The following RAPGEF5 variants were observed in gnomAD, a reference collection of about 807,000 sequenced individuals.
RAPGEF5 encodes M-Ras-regulated GEF.
In RAPGEF5, 65 loss-of-function variants were observed where a neutral mutation model predicts 125.2. That is an observed-to-expected ratio of 0.52 (90% confidence interval 0.43 to 0.64). The LOEUF is 0.64. Among genes scored for constraint, RAPGEF5 ranks in the 30% least tolerant of loss-of-function variants. The probability of loss-of-function intolerance (pLI) is 0.00; values close to 1 mark genes in which losing one functional copy is unlikely to be tolerated. For synonymous variants in RAPGEF5, 391 were observed against 385.9 expected (o/e 1.01, Z -0.16); for missense variants, 958 against 1,048.1 (o/e 0.91, Z 1.19).
At chr7:22,202,995 G>T in intron 9 of RAPGEF5, 1 of 258,286 alleles carries the variant, frequency 3.9e-6, no homozygotes, top group Admixed American at 4.8e-5. Context: ...TTACAAAATT[G>T]AATTTGTATC....
intron 6 of RAPGEF5, among the ~76,000 whole-genome samples, chr7:22,277,946 C>G (rs1411504016): frequency 3.3e-5 from 5 of 152,136 alleles, no homozygotes; most frequent in Non-Finnish European, 7.4e-5. Context: ...TGTGCAGGTA[C>G]CAAGTGGGGT....
chr7:22,194,927 C>T (rs894290272), intron 9 of RAPGEF5, among the ~76,000 whole-genome samples: 1 of 152,312 alleles, frequency 6.6e-6, no homozygotes, highest in African/African-American at 2.4e-5. Flanking sequence ...TCCTGATGTG[C>T]AATACCCAGT....
chr7:22,246,258 C>G (rs1286466835), intron 7 of RAPGEF5, among the ~76,000 whole-genome samples: 3 of 151,998 alleles, frequency 2.0e-5, no homozygotes, highest in African/African-American at 7.2e-5. Context: ...AAAAAGAGCC[C>G]AAATAGCCAA....
chr7:22,275,217 T>C (rs918638959), intron 6 of RAPGEF5, among the ~76,000 whole-genome samples: 11 of 152,232 alleles, frequency 7.2e-5, no homozygotes, highest in African/African-American at 2.4e-4. Flanking sequence ...AATAGCACTC[T>C]ATACTTGTTT....
At chr7:22,351,715 A>T (rs1490932647) in intron 1 of RAPGEF5, among the ~76,000 whole-genome samples, 1 of 152,240 alleles carries the variant, frequency 6.6e-6, no homozygotes, top group Non-Finnish European at 1.5e-5. Flanking sequence ...CAAAGAATAA[A>T]TGACATGCTT....
intron 6 of RAPGEF5, among the ~76,000 whole-genome samples, chr7:22,268,208 C>T (rs575577177): frequency 2.6e-5 from 4 of 152,190 alleles, no homozygotes; most frequent in South Asian, 2.1e-4. Flanking sequence ...GAAAATTACA[C>T]GGCAGTGAGA....
At chr7:22,230,989 G>A in intron 7 of RAPGEF5, 70 bp from the exon 8 acceptor site, 1 of 1,406,198 alleles carries the variant, frequency 7.1e-7, no homozygotes, top group Non-Finnish European at 9.8e-7. Context: ...TTTTCTTTCA[G>A]ATCGCAATTT....
intron 9 of RAPGEF5, among the ~76,000 whole-genome samples, chr7:22,198,001 C>A (rs946582402): frequency 2.0e-5 from 3 of 151,752 alleles, no homozygotes; most frequent in African/African-American, 7.3e-5. Context: ...GTGATCCTCC[C>A]ATCTCAGCCT....
At chr7:22,170,164 T>A (rs1033559194) in intron 11 of RAPGEF5, among the ~76,000 whole-genome samples, 1 of 152,170 alleles carries the variant, frequency 6.6e-6, no homozygotes, top group African/African-American at 2.4e-5. Context: ...AAGTGATTCT[T>A]GTGCCTCAGC....
intron 5 of RAPGEF5, among the ~76,000 whole-genome samples, chr7:22,302,762 TC>T (rs1338098669): frequency 7.1e-6 from 1 of 140,150 alleles, no homozygotes; most frequent in Non-Finnish European, 1.5e-5. Context: ...GGGTGCTTCT[TC>T]CCCCCACCCC....
At chr7:22,184,057 T>C (rs2128122669) in intron 11 of RAPGEF5, among the ~76,000 whole-genome samples, 1 of 152,324 alleles carries the variant, frequency 6.6e-6, no homozygotes, top group East Asian at 1.9e-4. Flanking sequence ...GAACTTTCCG[T>C]TTACAAAGTC....
At chr7:22,262,499 G>A (rs1189151550) in intron 7 of RAPGEF5, among the ~76,000 whole-genome samples, 2 of 152,196 alleles carry the variant, frequency 1.3e-5, no homozygotes, top group African/African-American at 2.4e-5. Context: ...AAATGGCACA[G>A]CTACTGTGAA....
At chr7:22,258,624 C>CAAAAAAA (rs34352575) in intron 7 of RAPGEF5, among the ~76,000 whole-genome samples, 10 of 45,822 alleles carry the variant, frequency 2.2e-4, no homozygotes, top group East Asian at 5.9e-4. Flanking sequence ...AACTCCGTCT[C>CAAAAAAA]AAAAAAAAAA....
intron 5 of RAPGEF5, among the ~76,000 whole-genome samples, chr7:22,302,072 G>C (rs1194791160): frequency 1.3e-5 from 2 of 152,282 alleles, no homozygotes; most frequent in East Asian, 3.9e-4. Flanking sequence ...ACAGAGTGCT[G>C]GTGACAAGTG....
At chr7:22,275,837 T>C (rs1360346669) in intron 6 of RAPGEF5, among the ~76,000 whole-genome samples, 1 of 152,196 alleles carries the variant, frequency 6.6e-6, no homozygotes, top group East Asian at 1.9e-4. Context: ...TCTGAATGAA[T>C]AGATAAAAAA....
intron 3 of RAPGEF5, 51 bp downstream of exon 3, chr7:22,315,319 T>G (rs568385657): frequency 6.6e-7 from 1 of 1,511,296 alleles, no homozygotes; most frequent in South Asian, 1.2e-5. Flanking sequence ...CACAGGGTGG[T>G]TTTTTTTCCT....
intron 7 of RAPGEF5, among the ~76,000 whole-genome samples, chr7:22,254,730 G>C (rs922392447): frequency 3.3e-5 from 5 of 152,104 alleles, no homozygotes; most frequent in Admixed American, 1.3e-4. Context: ...GGAGAGGAAG[G>C]GGGAGATGGG....
At chr7:22,236,098 T>C (rs1786181323) in intron 7 of RAPGEF5, among the ~76,000 whole-genome samples, 1 of 152,162 alleles carries the variant, frequency 6.6e-6, no homozygotes, top group African/African-American at 2.4e-5. Flanking sequence ...CAGCGTGTTT[T>C]CTCAACCCCA....
chr7:22,228,063 A>G (rs758374241), intron 8 of RAPGEF5, among the ~76,000 whole-genome samples: 14 of 152,154 alleles, frequency 9.2e-5, no homozygotes, highest in Non-Finnish European at 1.3e-4. Context: ...TTCCAACCAA[A>G]AAGCAATGAG....
Sources: allele counts gnomAD v4.1 joint callset (sites outside exome capture counted in the v4.1 genomes callset), GRCh38; gene constraint gnomAD v4.1.1; transcripts MANE v1.5; gene names NCBI Gene and HGNC (gene_info 2026-07-23, HGNC 2026-07-21).